Variants in OBSL1 observed in about 807,000 individuals in gnomAD.
The protein encoded by OBSL1 is obscurin like cytoskeletal adaptor 1.
A neutral mutation model predicts 172.0 loss-of-function variants in OBSL1; 160 were observed. The observed-to-expected ratio is 0.93, with a 90% CI of 0.82 to 1.06. The LOEUF (loss-of-function observed/expected upper bound fraction) is 1.06. Among genes scored for constraint, OBSL1 ranks in the 50% least tolerant of loss-of-function variants. The pLI is 0.00. For synonymous variants in OBSL1, 1,200 were observed against 1,196.3 expected (o/e 1.00, Z -0.06); for missense variants, 2,681 against 2,715.4 (o/e 0.99, Z 0.28).
chr2:219,551,173 G>A, intron 20 of OBSL1: 1 of 1,391,714 alleles, frequency 7.2e-7, no homozygotes, highest in South Asian at 1.6e-5. Context: ...CAGGAAGGAG[G>A]AGGGACAGGC....
intron 9 of OBSL1, 197 bp downstream of exon 9, chr2:219,559,028 G>T: frequency 1.7e-6 from 1 of 572,290 alleles, no homozygotes; most frequent in East Asian, 2.8e-5. Flanking sequence ...TGAACGAATG[G>T]TTCTAATTGC....
intron 20 of OBSL1, chr2:219,551,289 G>A: frequency 7.1e-7 from 1 of 1,405,282 alleles, no homozygotes; most frequent in Non-Finnish European, 9.2e-7. Context: ...GAGAAGCCTG[G>A]CAAGAAGGGG....
In OBSL1 at chr2:219,567,378, G is replaced by A. The variant is rs556889641; in HGVS notation, c.1732C>T (p.Pro578Ser). Residue 578 changes from proline to serine, a missense_variant, in exon 4 of 21, where the codon CCG becomes TCG. Pro to Ser is a moderately conservative substitution (Grantham distance 74, BLOSUM62 -1). Coordinates refer to ENST00000404537, the MANE Select transcript of OBSL1 (RefSeq NM_015311.3). ...CCCTCGGAGGGCACACAGTCGCCCG[G>A]CACCTCCACGGCTCCGGCTTTCTCG... ...SIEKAGAVEV[P>S]GDCVPSEGDY... The A allele has an allele frequency of 5.4e-5, 87 of 1,612,928 alleles. No individual in the cohort carries two copies. Among genetic ancestry groups the A allele is most frequent in the Non-Finnish European group, 7.1e-5 (84 of 1,179,410 alleles).
rs530639786 is a variant in OBSL1, at chr2:219,562,657, C to T, written c.2698G>A (p.Val900Met). 12 of 1,556,304 alleles carry T rather than the reference C, an allele frequency of 7.7e-6. No individual in the cohort carries two copies. Among genetic ancestry groups the T allele is most frequent in the Admixed American group, 1.9e-5 (1 of 51,634 alleles). ...VTITDVSSWI[V>M]YPSGKVYVAA... is the part of the protein sequence containing the mutation. Reference sequence around the variant, plus strand: ...ACATACACCTTGCCGCTGGGATACACGATCCACGAGGAGACGTCTGGAGGA... The same window carrying T: ...ACATACACCTTGCCGCTGGGATACATGATCCACGAGGAGACGTCTGGAGGA... The change falls in exon 8 of 21, where the codon GTG becomes ATG. Residue 900 changes from valine to methionine, a missense_variant. Transcript: ENST00000404537.
intron 6 of OBSL1, 24 bp downstream of exon 6, chr2:219,565,218 G>C: frequency 6.3e-7 from 1 of 1,588,322 alleles, no homozygotes; most frequent in Non-Finnish European, 8.6e-7. Flanking sequence ...GGCTGGAGGA[G>C]CCCAGGCTGG....
Position 219,552,967 on chromosome 2 carries a change from G to T in OBSL1, c.5047C>A (p.Arg1683Ser), listed in dbSNP as rs1215945247. 5.9e-6 allele frequency: 9 copies of T among 1,532,076 alleles called. No homozygotes were observed. In the African/African-American group the frequency reaches 8.4e-5, roughly 14 times the overall value. 94.9% of individuals were successfully genotyped at this position (1,532,076 alleles called of 1,614,324 possible). ...CCGCAGCGTCGCAGCTGGAGAAGGC[G>T]GCGCGTGCCGAGGGCCTGGAGCCGG... ...RLRLQALGTR[R>S]LLQLRRCGPS... Residue 1683 changes from arginine to serine, a missense_variant, in exon 17 of 21, where the codon CGC becomes AGC. Around this residue, in one of 5 missense-constraint regions of OBSL1, gnomAD observed 1,765 missense variants for 1,748.3 expected, o/e 1.01. Transcript: ENST00000404537.
At chr2:219,547,422 T>A, downstream of OBSL1, 1 of 1,111,622 alleles carries the variant, frequency 9.0e-7, no homozygotes, top group Non-Finnish European at 1.2e-6. Flanking sequence ...TCCCCTGGGA[T>A]CCCATGTCCT....
intron 8 of OBSL1, among the ~76,000 whole-genome samples, chr2:219,560,484 C>T (rs1349086180): frequency 6.6e-6 from 1 of 152,196 alleles, no homozygotes. Flanking sequence ...CAGGCCTGCC[C>T]ACACCCCTGC....
At position 219,557,429 on chromosome 2, in the gene OBSL1, CGCAGCACCT is replaced by C. The variant is rs776571749; in HGVS notation, c.3971_3979del (p.Gln1324_Leu1326del). ...GTCCCCGCTCCGTGCCCCCTGCACC[CGCAGCACCT>C]GCCTGGCCCCGGCCTGCTCCAGCTG... On this transcript the variant is annotated inframe_deletion, in exon 12 of 21. Coordinates refer to ENST00000404537, the MANE Select transcript of OBSL1 (RefSeq NM_015311.3). The C allele has an allele frequency of 6.5e-7, 1 of 1,548,852 alleles. No individual in the cohort carries two copies. Among genetic ancestry groups the C allele is most frequent in the South Asian group, 1.2e-5 (1 of 83,980 alleles).
chr2:219,551,999 C>G, intron 19 of OBSL1, 113 bp downstream of exon 19: 1 of 1,162,178 alleles, frequency 8.6e-7, no homozygotes, highest in Non-Finnish European at 1.3e-6. Flanking sequence ...GAGAGCCCCT[C>G]GGGGGGAAGG....
At chr2:219,561,563 C>G (rs1696468691) in intron 8 of OBSL1, among the ~76,000 whole-genome samples, 1 of 152,176 alleles carries the variant, frequency 6.6e-6, no homozygotes. Context: ...GGCTTTCCTG[C>G]CAGGCTGTGC....
At chr2:219,566,052 C>T (rs187589863) in intron 5 of OBSL1, among the ~76,000 whole-genome samples, 7 of 152,294 alleles carry the variant, frequency 4.6e-5, no homozygotes, top group African/African-American at 1.7e-4. Context: ...ATCAGGAGCC[C>T]GACTGCCTGG....
Position 219,556,617 on chromosome 2 carries a change from G to C in OBSL1, c.4173C>G (p.Thr1391=). ...CEVSPPDADV[T]WLRNGAVVTP... ...TGACGACGGCCCCATTGCGCAGCCA[G>C]GTGACATCGGCATCTGGTGGGGAGA... is the stretch of plus-strand genomic sequence containing the variant. Residue 1391 remains threonine, a synonymous_variant, in exon 13 of 21, where the codon ACC becomes ACG. Coordinates refer to ENST00000404537, the MANE Select transcript of OBSL1 (RefSeq NM_015311.3). 6.2e-7 allele frequency: 1 copy of C among 1,614,030 alleles called. No individual in the cohort carries two copies. The highest frequency in any genetic ancestry group is 8.5e-7 in the Non-Finnish European group (1 of 1,179,902).
intron 8 of OBSL1, chr2:219,561,856 T>A: frequency 1.4e-6 from 1 of 717,132 alleles, no homozygotes; most frequent in South Asian, 1.5e-5. Flanking sequence ...GACAGAGGAA[T>A]GTGGGCCCCA....
rs1370631114 is a variant in OBSL1 at position 219,570,365 on chromosome 2, G to T, written c.868C>A (p.Arg290Ser). 7.4e-6 allele frequency: 12 copies of T among 1,612,808 alleles called. No individual in the cohort carries two copies. In the Admixed American group the frequency reaches 1.8e-4, roughly 25 times the overall value. Residue 290 changes from arginine to serine, a missense_variant, in exon 1 of 21, where the codon CGC (arginine) becomes AGC (serine). Around this residue, in one of 5 missense-constraint regions of OBSL1, gnomAD observed 706 missense variants for 695.8 expected, o/e 1.01. Transcript: ENST00000404537. ...CGGTCGCGGTACATGAGGCGGCGGC[G>T]GTCCGGGAGCAGCGGGCGGCCCTCC... ...HWEGRPLLPD[R>S]RRLMYRDRDG... is the part of the protein sequence containing the mutation.
Position 219,562,658 on chromosome 2 carries a change from G to T in OBSL1, c.2697C>A (p.Ile899=), listed in dbSNP as rs745830430. 2 of 1,553,658 alleles carry T rather than the reference G, an allele frequency of 1.3e-6. No individual in the cohort carries two copies. Among genetic ancestry groups the T allele is most frequent in the Admixed American group, 1.9e-5 (1 of 51,462 alleles). ...TVTITDVSSW[I]VYPSGKVYVA... is the part of the protein sequence containing the mutation. Reference sequence around the variant, plus strand: ...CATACACCTTGCCGCTGGGATACACGATCCACGAGGAGACGTCTGGAGGAC... The same window carrying T: ...CATACACCTTGCCGCTGGGATACACTATCCACGAGGAGACGTCTGGAGGAC... Residue 899 remains isoleucine (I), a synonymous_variant, in exon 8 of 21, where the codon ATC becomes ATA. Transcript: ENST00000404537.
At position 219,558,067 on chromosome 2, in the gene OBSL1, C is replaced by G; in HGVS notation, c.3546G>C (p.Pro1182=). The stretch of plus-strand genomic sequence containing the variant: ...CTGGCTCCCCAGGGGCCACACAGAG[C>G]GGGCTTGGAGTTGTCTCTAGAGCAA... ...QFLALETTPS[P]LCVAPGEPVV... Residue 1182 remains proline, a synonymous_variant, in exon 11 of 21, where the codon CCG becomes CCC. Transcript: ENST00000404537. 2 of 1,613,730 alleles carry G rather than the reference C, an allele frequency of 1.2e-6. No individual in the cohort carries two copies. Among genetic ancestry groups the G allele is most frequent in the Non-Finnish European group, 1.7e-6 (2 of 1,179,862 alleles).
Position 219,554,500 on chromosome 2 carries a change from C to T in OBSL1, c.4850G>A (p.Arg1617His), listed in dbSNP as rs375418681. The T allele has an allele frequency of 4.0e-5, 64 of 1,613,118 alleles. No individual in the cohort carries two copies. Among genetic ancestry groups the T allele is most frequent in the African/African-American group, 9.3e-5 (7 of 74,924 alleles). Residue 1617 changes from arginine to histidine, a missense_variant, in exon 15 of 21, where the codon CGC (arginine) becomes CAC (histidine). By Grantham distance (29) the Arg-to-His change is conservative (BLOSUM62 0). Transcript: ENST00000404537. ...TCTCACAATGAGTCTGGCTGCGCAG[C>T]GCAGGGAATCCGCTGTGAAGGAGAC... ...GCVSFTADSLRCAARLIVREV... is the reference protein window; with the variant it reads ...GCVSFTADSLHCAARLIVREV...
In OBSL1 at chr2:219,558,426, C is replaced by A. The variant is rs867588237; in HGVS notation, c.3260G>T (p.Arg1087Leu). The A allele has an allele frequency of 6.3e-7, 1 of 1,592,030 alleles. No individual in the cohort carries two copies. ...PPERIVHPAA[R>L]SLDLHFGAPG... ...AGCCCCAAAATGCAGATCCAGGGAG[C>A]GGGCTGCCGGGTGCACAATCCTCTC... Residue 1087 changes from arginine to leucine, a missense_variant, in exon 10 of 21, where the codon CGC (arginine) becomes CTC (leucine). Physicochemically the swap from Arg to Leu is moderately radical, Grantham distance 102. Coordinates refer to ENST00000404537, the MANE Select transcript of OBSL1 (RefSeq NM_015311.3).
Sources: allele counts gnomAD v4.1 joint callset (sites outside exome capture counted in the v4.1 genomes callset), GRCh38; gene constraint gnomAD v4.1.1; regional missense constraint gnomAD v4.1.1; transcripts MANE v1.5; gene names NCBI Gene and HGNC (gene_info 2026-07-23, HGNC 2026-07-21).